ADAMTSL1: variants seen among roughly 807,000 people sequenced by gnomAD.
ADAMTSL1 encodes ADAMTS like 1.
In ADAMTSL1, 126 loss-of-function variants were observed where a neutral mutation model predicts 201.8. The ratio of observed to expected loss-of-function variants is 0.62; its 90% CI spans 0.54 to 0.72. The LOEUF is 0.72. Among genes scored for constraint, ADAMTSL1 ranks in the 30% least tolerant of loss-of-function variants. ADAMTSL1 has a pLI of 0.00. For synonymous variants in ADAMTSL1, 1,121 were observed against 903.4 expected (o/e 1.24, Z -4.32); for missense variants, 2,679 against 2,277.8 (o/e 1.18, Z -3.59).
At chr9:18,592,446 A>T (rs1338739775) in intron 4 of ADAMTSL1, among the ~76,000 whole-genome samples, 1 of 152,122 alleles carries the variant, frequency 6.6e-6, no homozygotes, top group Non-Finnish European at 1.5e-5. Context: ...ATGTCCACAG[A>T]TTGGTTGCCA....
At chr9:18,489,101 A>G (rs1587356974) in intron 1 of ADAMTSL1, among the ~76,000 whole-genome samples, 2 of 152,172 alleles carry the variant, frequency 1.3e-5, no homozygotes, top group Admixed American at 1.3e-4. Context: ...TGGTCTGGGG[A>G]GAGACCCAGA....
intron 2 of ADAMTSL1, among the ~76,000 whole-genome samples, chr9:18,337,338 T>G (rs1835282158): frequency 6.6e-6 from 1 of 152,128 alleles, no homozygotes; most frequent in African/African-American, 2.4e-5. Context: ...TTTGAGGTTT[T>G]GGGACTTGGA....
chr9:18,111,596 C>G (rs557505579), intron 1 of ADAMTSL1, among the ~76,000 whole-genome samples: 1 of 152,284 alleles, frequency 6.6e-6, no homozygotes, highest in South Asian at 2.1e-4. Flanking sequence ...AAATTTCAAG[C>G]ATCATTTAAA....
At chr9:18,733,186 A>T (rs1456581463) in intron 15 of ADAMTSL1, among the ~76,000 whole-genome samples, 1 of 152,202 alleles carries the variant, frequency 6.6e-6, no homozygotes, top group East Asian at 1.9e-4. Context: ...AGTGTAAAGA[A>T]CCAACTCTAG....
chr9:18,639,848 A>G (rs934858357), intron 7 of ADAMTSL1, among the ~76,000 whole-genome samples: 1 of 152,148 alleles, frequency 6.6e-6, no homozygotes, highest in South Asian at 2.1e-4. Context: ...GCTGGCAAGA[A>G]AACTAAGTTG....
chr9:18,343,597 C>T (rs751373669), intron 2 of ADAMTSL1, among the ~76,000 whole-genome samples: 3 of 152,140 alleles, frequency 2.0e-5, no homozygotes, highest in Non-Finnish European at 4.4e-5. Context: ...TCTAAACCCT[C>T]TTTTAGATTT....
chr9:17,978,452 G>A (rs1818542321), intron 1 of ADAMTSL1, among the ~76,000 whole-genome samples: 1 of 151,824 alleles, frequency 6.6e-6, no homozygotes, highest in South Asian at 2.1e-4. Flanking sequence ...TATTTTGGGG[G>A]AATTTGTTAT....
chr9:18,733,558 T>C (rs1303463047), intron 15 of ADAMTSL1, among the ~76,000 whole-genome samples: 1 of 152,154 alleles, frequency 6.6e-6, no homozygotes, highest in African/African-American at 2.4e-5. Context: ...CTTTGTATCT[T>C]TGTTCTGCCA....
chr9:18,264,682 G>A (rs529253572), intron 2 of ADAMTSL1, among the ~76,000 whole-genome samples: 5 of 152,206 alleles, frequency 3.3e-5, no homozygotes, highest in African/African-American at 4.8e-5. Flanking sequence ...AGGACTTAAT[G>A]TTTATTACAG....
At chr9:17,987,521 G>A (rs974172864) in intron 1 of ADAMTSL1, among the ~76,000 whole-genome samples, 3 of 151,822 alleles carry the variant, frequency 2.0e-5, no homozygotes, top group Non-Finnish European at 2.9e-5. Context: ...AAAATATTTA[G>A]ATCGTTTTGG....
intron 1 of ADAMTSL1, among the ~76,000 whole-genome samples, chr9:18,103,303 C>T (rs1020573087): frequency 1.3e-5 from 2 of 151,990 alleles, no homozygotes; most frequent in Admixed American, 6.6e-5. Context: ...CAATTTGTAG[C>T]AAAACATAGG....
At chr9:18,370,064 G>C (rs750150749) in intron 2 of ADAMTSL1, among the ~76,000 whole-genome samples, 3 of 152,124 alleles carry the variant, frequency 2.0e-5, no homozygotes, top group Non-Finnish European at 2.9e-5. Context: ...TGGATCACCT[G>C]AGATGAGGAG....
intron 15 of ADAMTSL1, chr9:18,723,385 G>A (rs1817667585): frequency 7.1e-6 from 3 of 419,658 alleles, no homozygotes; most frequent in Admixed American, 7.5e-5. Flanking sequence ...CAGTGCCGAG[G>A]AGTCAGTGCC....
rs566257489 is a variant in ADAMTSL1, at chr9:17,991,498, A to T, written c.87+84576A>T. 2.6e-5 allele frequency among the ~76,000 whole-genome samples: 4 copies of T among 152,258 alleles called. No individual in the cohort carries two copies. The South Asian group carries it at 6.2e-4, about 24-fold the overall frequency. ...TGCTACTGAGATCCCAGCGCCACAG[A>T]TATTCACCTTTGCTCAGACTCAGAA... On this transcript the variant is annotated intron_variant, in intron 1 of 29. Transcript: ENST00000680146.
At chr9:18,594,526 C>A (rs1290477509) in intron 4 of ADAMTSL1, among the ~76,000 whole-genome samples, 1 of 152,030 alleles carries the variant, frequency 6.6e-6, no homozygotes, top group African/African-American at 2.4e-5. Context: ...TCTTTCTTTT[C>A]TGACTGTATA....
chr9:18,742,058 G>A (rs1818862283), intron 15 of ADAMTSL1, among the ~76,000 whole-genome samples: 1 of 152,106 alleles, frequency 6.6e-6, no homozygotes, highest in Admixed American at 6.6e-5. Context: ...TCCCCTCTGT[G>A]CATGTCTGTC....
chr9:18,594,186 C>A (rs945642176), intron 4 of ADAMTSL1, among the ~76,000 whole-genome samples: 1 of 151,944 alleles, frequency 6.6e-6, no homozygotes, highest in African/African-American at 2.4e-5. Context: ...AGCGTATTTT[C>A]CCACTCCTTC....
At chr9:18,564,919 A>G (rs1821778992) in intron 3 of ADAMTSL1, among the ~76,000 whole-genome samples, 1 of 152,244 alleles carries the variant, frequency 6.6e-6, no homozygotes, top group Non-Finnish European at 1.5e-5. Flanking sequence ...AACCAGTCTT[A>G]GAAATACCTC....
intron 1 of ADAMTSL1, among the ~76,000 whole-genome samples, chr9:18,085,578 C>T (rs1823723860): frequency 6.9e-6 from 1 of 144,690 alleles, no homozygotes; most frequent in African/African-American, 2.7e-5. Flanking sequence ...CATATATACA[C>T]ACTGTGTGTG....
Sources: allele counts gnomAD v4.1 joint callset (sites outside exome capture counted in the v4.1 genomes callset), GRCh38; gene constraint gnomAD v4.1.1; transcripts MANE v1.5; gene names NCBI Gene and HGNC (gene_info 2026-07-23, HGNC 2026-07-21).